The following KIF21B variants were observed in gnomAD, a reference collection of about 807,000 sequenced individuals.
KIF21B encodes the protein kinesin family member 21B.
A neutral mutation model predicts 192.9 loss-of-function variants in KIF21B; 85 were observed. The observed-to-expected ratio is 0.44, with a 90% confidence interval of 0.37 to 0.53. KIF21B has a LOEUF of 0.53. KIF21B is among the 20% of genes least tolerant of loss of function. The probability of loss-of-function intolerance (pLI) is 0.00; values close to 1 mark genes in which losing one functional copy is unlikely to be tolerated. For synonymous variants in KIF21B, 832 were observed against 884.6 expected (o/e 0.94, Z 1.05); for missense variants, 1,716 against 2,194.8 (o/e 0.78, Z 4.36).
rs181368981 is a variant in KIF21B at position 201,011,484 on chromosome 1, A to G, written c.42-1996T>C. On this transcript the variant is annotated intron_variant, in intron 1 of 34. Coordinates refer to ENST00000461742, the MANE Select transcript of KIF21B (RefSeq NM_001252102.2). ...GCAGTCTGCATGCACTGCCCTTTCA[A>G]TGGTCTTATGCTACACCGTCTCTAA... Among the ~76,000 whole-genome samples, 4 of 152,334 alleles carry G rather than the reference A, an allele frequency of 2.6e-5. No homozygotes were observed. The East Asian group carries it at 7.7e-4, about 29-fold the overall frequency.
Position 201,002,351 on chromosome 1 carries a change from C to T in KIF21B, c.1213-1G>A, listed in dbSNP as rs1159484913. 1 of 1,611,338 alleles carries T rather than the reference C, an allele frequency of 6.2e-7. No individual in the cohort carries two copies. The highest frequency in any genetic ancestry group is 8.5e-7 in the Non-Finnish European group (1 of 1,177,640). Reference sequence around the variant, plus strand: ...CATCCTCTCCTATCACTCGCTTGCCCTGGGAGCAGGGGCAAAGGGGAGCAG... The same window carrying T: ...CATCCTCTCCTATCACTCGCTTGCCTTGGGAGCAGGGGCAAAGGGGAGCAG... On this transcript the variant is annotated splice_acceptor_variant, in intron 8 of 34. Transcript: ENST00000461742. LOFTEE classifies it high-confidence loss of function.
At position 200,996,533 on chromosome 1, in the gene KIF21B, G is replaced by A. The variant is rs1657082116; in HGVS notation, c.2078-138C>T. ...TTGGGCAAGTCACACCCCTCTCTGAGCCTGTTTCATCATTTGAATGAGGGG... is the reference window on the plus strand; with the variant it reads ...TTGGGCAAGTCACACCCCTCTCTGAACCTGTTTCATCATTTGAATGAGGGG... On this transcript the variant is annotated intron_variant, in intron 14 of 34. Coordinates refer to ENST00000461742, the MANE Select transcript of KIF21B (RefSeq NM_001252102.2). 6 of 717,238 alleles carry A rather than the reference G, an allele frequency of 8.4e-6. No individual in the cohort carries two copies. In the South Asian group the frequency reaches 1.0e-4, roughly 13 times the overall value. The allele number at this position is 717,238 out of a possible 1,614,324, so 44.4% of individuals were successfully genotyped here.
In KIF21B at chr1:201,000,276, G is replaced by A; in HGVS notation, c.1685+114C>T. The A allele has an allele frequency of 4.6e-6, 5 of 1,092,750 alleles. No individual in the cohort carries two copies. Among genetic ancestry groups the A allele is most frequent in the Non-Finnish European group, 6.6e-6 (5 of 762,826 alleles). 67.7% of individuals were successfully genotyped at this position (1,092,750 alleles called of 1,614,324 possible). The stretch of plus-strand genomic sequence containing the variant: ...AATACTGAGGCAGCCCCTGGGGCTG[G>A]GGGCGTGGAGGTTCCCTCCTAAACA... On this transcript the variant is annotated intron_variant, in intron 11 of 34. Coordinates refer to ENST00000461742, the MANE Select transcript of KIF21B (RefSeq NM_001252102.2). This position sits in a 1 kb window ranked among gnomAD's most constrained non-coding sequence, Gnocchi z 6.0.
chr1:200,978,949 A>G (rs55865340), intron 30 of KIF21B, among the ~76,000 whole-genome samples: 1 of 152,096 alleles, frequency 6.6e-6, no homozygotes. Context: ...TTCAGCCTCC[A>G]AAATACCTAG....
At chr1:200,984,755 T>A in intron 27 of KIF21B, 104 bp downstream of exon 27, 1 of 733,206 alleles carries the variant, frequency 1.4e-6, no homozygotes, top group Non-Finnish European at 2.2e-6. Context: ...AACTTCAGGC[T>A]GGGGTTGGCT....
At chr1:200,989,450 G>A (rs1170108441) in intron 21 of KIF21B, among the ~76,000 whole-genome samples, 5 of 152,230 alleles carry the variant, frequency 3.3e-5, no homozygotes, top group Non-Finnish European at 5.9e-5. Context: ...GGCCCCAGGA[G>A]GGAAGGAGGC....
intron 15 of KIF21B, among the ~76,000 whole-genome samples, chr1:200,993,775 A>C (rs1049786094): frequency 1.5e-4 from 22 of 151,136 alleles, no homozygotes; most frequent in Middle Eastern, 3.4e-3. Flanking sequence ...CAAAAAAAAA[A>C]AAAAAGAGAG....
intron 3 of KIF21B, 40 bp from the exon 4 acceptor site, chr1:201,005,734 C>T: frequency 6.2e-7 from 1 of 1,603,054 alleles, no homozygotes; most frequent in South Asian, 1.1e-5. Context: ...AGGGCATTCA[C>T]TGGGGCCCCA....
In KIF21B at chr1:201,003,082, A is replaced by G. The variant is rs116243686; in HGVS notation, c.1212+504T>C. The stretch of plus-strand genomic sequence containing the variant: ...TCCCATCTCATTTTGCTGTTACCTC[A>G]TTCATTCTTCAAAATCCATATAAAA... On this transcript the variant is annotated intron_variant, in intron 8 of 34. Coordinates refer to ENST00000461742, the MANE Select transcript of KIF21B (RefSeq NM_001252102.2). 796 of 169,806 alleles carry G rather than the reference A, an allele frequency of 4.7e-3. 10 individuals carry two copies. Among genetic ancestry groups the G allele is most frequent in the African/African-American group, 0.017 (705 of 41,840 alleles). The allele number at this position is 169,806 out of a possible 1,614,324, so 10.5% of individuals were successfully genotyped here.
intron 15 of KIF21B, among the ~76,000 whole-genome samples, chr1:200,993,345 C>G (rs1172062941): frequency 6.6e-6 from 1 of 152,232 alleles, no homozygotes; most frequent in Non-Finnish European, 1.5e-5. Context: ...GTTCCTTCCC[C>G]TCTCCAGGGC....
rs1294351881 is a variant in KIF21B at position 200,996,244 on chromosome 1, C to A, written c.2229G>T (p.Arg743Ser). Residue 743 changes from arginine to serine, a missense_variant, in exon 15 of 35, where the codon AGG becomes AGT. Physicochemically the swap from Arg to Ser is moderately radical, Grantham distance 110. Transcript: ENST00000461742. ...RLLKNQSRYERELKKLQAEVA... is the reference protein window; with the variant it reads ...RLLKNQSRYESELKKLQAEVA... ...CCTCGGCCTGTAGCTTCTTCAGCTC[C>A]CTCTCGTAGCGCGACTGGTTCTTAA... The A allele has an allele frequency of 6.2e-7, 1 of 1,613,956 alleles. No homozygotes were observed. Among genetic ancestry groups the A allele is most frequent in the Non-Finnish European group, 8.5e-7 (1 of 1,180,034 alleles).
rs549977467 is a variant in KIF21B, at chr1:200,990,731, A to T, written c.2688-8T>A. On this transcript the variant is annotated splice_region_variant and splice_polypyrimidine_tract_variant and intron_variant, in intron 18 of 34. Transcript: ENST00000461742. The surrounding 1 kb of genome is among the most constrained non-coding windows in gnomAD (Gnocchi z 5.4). ...TTCTTCTGGAACTTCTTTCTGGGAG[A>T]CATAGGCAAAGGGGATTGGATGGGA... 142 of 1,613,928 alleles carry T rather than the reference A, an allele frequency of 8.8e-5. 5 individuals carry two copies. In the South Asian group the frequency reaches 1.4e-3, roughly 16 times the overall value.
chr1:201,022,943 C>T (rs1558034552), intron 1 of KIF21B, among the ~76,000 whole-genome samples: 1 of 152,230 alleles, frequency 6.6e-6, no homozygotes, highest in East Asian at 1.9e-4. Flanking sequence ...AACTAGCTGA[C>T]TCGCATGGAT....
intron 29 of KIF21B, among the ~76,000 whole-genome samples, chr1:200,980,112 GAATC>G (rs1267079201): frequency 3.3e-5 from 5 of 152,184 alleles, no homozygotes; most frequent in Non-Finnish European, 7.3e-5. Flanking sequence ...GGAAAACTTG[GAATC>G]AATCAATCAC....
At chr1:200,991,221 G>A in intron 17 of KIF21B, 72 bp from the exon 18 acceptor site, 1 of 1,248,794 alleles carries the variant, frequency 8.0e-7, no homozygotes, top group Non-Finnish European at 1.1e-6. Context: ...GGCCCAGGTT[G>A]GGGTGCCGGG....
intron 24 of KIF21B, 26 bp from the exon 25 acceptor site, chr1:200,987,227 C>A: frequency 6.3e-7 from 1 of 1,585,608 alleles, no homozygotes; most frequent in South Asian, 1.1e-5. Context: ...CAGGGTGGAT[C>A]AACTTGCCCA....
At chr1:201,010,905 G>T (rs936112531) in intron 1 of KIF21B, among the ~76,000 whole-genome samples, 3 of 152,186 alleles carry the variant, frequency 2.0e-5, no homozygotes, top group Non-Finnish European at 4.4e-5. Context: ...GGGAGGTGGG[G>T]AAAGCCCAGC....
rs145638407 is a variant in KIF21B at position 200,991,746 on chromosome 1, C to G, written c.2386-21G>C. The G allele has an allele frequency of 1.9e-6, 3 of 1,613,078 alleles. No homozygotes were observed. In the Admixed American group the frequency reaches 5.0e-5, roughly 27 times the overall value. On this transcript the variant is annotated intron_variant, in intron 16 of 34. Coordinates refer to ENST00000461742, the MANE Select transcript of KIF21B (RefSeq NM_001252102.2). ...TGAAACTGTGGGAGACAGAAGAGGGCTGGGCTCCACACTCAGGCACCTTAG... is the reference window on the plus strand; with the variant it reads ...TGAAACTGTGGGAGACAGAAGAGGGGTGGGCTCCACACTCAGGCACCTTAG...
intron 34 of KIF21B, chr1:200,974,230 G>A: frequency 6.6e-7 from 1 of 1,519,392 alleles, no homozygotes; most frequent in Non-Finnish European, 8.8e-7. Flanking sequence ...GAGAGGAGAG[G>A]TGGGAGGAGA....
Sources: allele counts gnomAD v4.1 joint callset (sites outside exome capture counted in the v4.1 genomes callset), GRCh38; gene constraint gnomAD v4.1.1; non-coding constraint Gnocchi (gnomAD v3.1); transcripts MANE v1.5; gene names NCBI Gene and HGNC (gene_info 2026-07-23, HGNC 2026-07-21).